Variants in LAMA2 observed in about 807,000 individuals in gnomAD.
LAMA2 encodes laminin subunit alpha 2, also known as laminin subunit alpha-2.
LAMA2 carries 269 observed loss-of-function variants against 364.8 expected under a neutral mutation model. The observed-to-expected ratio is 0.74, with a 90% CI of 0.67 to 0.82. LAMA2 has a LOEUF of 0.82. Among genes scored for constraint, LAMA2 ranks in the 40% least tolerant of loss-of-function variants. The pLI is 0.00. For synonymous variants in LAMA2, 1,379 were observed against 1,370.6 expected (o/e 1.01, Z -0.14); for missense variants, 3,807 against 3,873.2 (o/e 0.98, Z 0.45).
intron 32 of LAMA2, among the ~76,000 whole-genome samples, chr6:129,362,339 A>G (rs991688278): frequency 4.6e-5 from 7 of 151,952 alleles, no homozygotes; most frequent in African/African-American, 1.7e-4. Flanking sequence ...CCTGTTCCTC[A>G]CACATCTGTG....
chr6:129,094,212 A>G (rs1236684017), intron 3 of LAMA2, among the ~76,000 whole-genome samples: 1 of 152,238 alleles, frequency 6.6e-6, no homozygotes, highest in Non-Finnish European at 1.5e-5. Flanking sequence ...TATTCACTAC[A>G]TTTTAAAAGT....
At chr6:129,192,143 T>G (rs887460978) in intron 11 of LAMA2, among the ~76,000 whole-genome samples, 1 of 152,210 alleles carries the variant, frequency 6.6e-6, no homozygotes, top group African/African-American at 2.4e-5. Context: ...AAGTAGAAAT[T>G]TTAAAAAGTG....
intron 27 of LAMA2, among the ~76,000 whole-genome samples, chr6:129,318,053 T>C (rs1211946761): frequency 6.6e-6 from 1 of 152,174 alleles, no homozygotes; most frequent in African/African-American, 2.4e-5. Flanking sequence ...AGTCTCACAA[T>C]GCTAAGAACA....
intron 12 of LAMA2, among the ~76,000 whole-genome samples, chr6:129,225,460 T>G (rs1357727369): frequency 1.3e-5 from 2 of 152,238 alleles, no homozygotes; most frequent in Non-Finnish European, 1.5e-5. Context: ...TGCTTTCTCT[T>G]GTGGGCATTT....
intron 56 of LAMA2, chr6:129,491,035 C>T (rs1172651053): frequency 6.6e-6 from 1 of 152,138 alleles, no homozygotes; most frequent in Non-Finnish European, 1.5e-5. Flanking sequence ...TACTTTAGGA[C>T]TGAGGTTTCC....
chr6:129,125,812 AT>A (rs1301492817), intron 4 of LAMA2, among the ~76,000 whole-genome samples: 1 of 152,216 alleles, frequency 6.6e-6, no homozygotes, highest in African/African-American at 2.4e-5. Flanking sequence ...ATCATAAAAA[AT>A]ATTAGTATTT....
intron 34 of LAMA2, among the ~76,000 whole-genome samples, chr6:129,370,225 GT>G (rs372379309): frequency 6.6e-6 from 1 of 152,230 alleles, no homozygotes; most frequent in African/African-American, 2.4e-5. Context: ...CAGAATGACA[GT>G]GTATTTTGAG....
intron 3 of LAMA2, among the ~76,000 whole-genome samples, chr6:129,087,474 A>G (rs146948451): frequency 1.0e-3 from 153 of 152,296 alleles, no homozygotes; most frequent in Middle Eastern, 3.4e-3. Context: ...CACTCCTTCT[A>G]TCTTCATTCT....
intron 30 of LAMA2, among the ~76,000 whole-genome samples, chr6:129,348,019 T>C (rs530458204): frequency 6.6e-6 from 1 of 152,304 alleles, no homozygotes; most frequent in East Asian, 1.9e-4. Flanking sequence ...AGCCCATATA[T>C]GTATAAGAGT....
intron 18 of LAMA2, among the ~76,000 whole-genome samples, chr6:129,285,602 A>G (rs1490194152): frequency 6.6e-6 from 1 of 152,158 alleles, no homozygotes; most frequent in Non-Finnish European, 1.5e-5. Flanking sequence ...GATAATGATC[A>G]TTGTATATCC....
chr6:129,228,956 G>T (rs1350687917), intron 12 of LAMA2, among the ~76,000 whole-genome samples: 1 of 152,158 alleles, frequency 6.6e-6, no homozygotes, highest in East Asian at 1.9e-4. Context: ...TGTATTCATT[G>T]TGTGTATGTA....
chr6:129,511,214 T>C (rs1786542943), intron 62 of LAMA2, among the ~76,000 whole-genome samples: 1 of 152,178 alleles, frequency 6.6e-6, no homozygotes, highest in African/African-American at 2.4e-5. Flanking sequence ...ATCTTAACCT[T>C]TGACATCTTT....
Position 129,182,079 on chromosome 6 carries a change from CTA to C in LAMA2, c.1467+4217_1467+4218del, listed in dbSNP as rs566173275. 3.2e-3 allele frequency among the ~76,000 whole-genome samples: 485 copies of C among 151,776 alleles called. 4 individuals carry two copies. The highest frequency in any genetic ancestry group is 0.011 in the African/African-American group (463 of 41,464). Reference sequence around the variant, plus strand: ...CAATCTATAAAAAGCAGTAGTATTTCTATATGTCAGTGACAAGCAAATAAAAA... The same window carrying C: ...CAATCTATAAAAAGCAGTAGTATTTCTATGTCAGTGACAAGCAAATAAAAA... On this transcript the variant is annotated intron_variant, in intron 10 of 64. Transcript: ENST00000421865.
intron 12 of LAMA2, among the ~76,000 whole-genome samples, chr6:129,220,262 A>G (rs184312474): frequency 1.6e-3 from 246 of 152,340 alleles, no homozygotes; most frequent in African/African-American, 5.2e-3. Flanking sequence ...TTCAAAAAAC[A>G]TATAGTGAAA....
intron 21 of LAMA2, 80 bp from the exon 22 acceptor site, chr6:129,300,656 A>G: frequency 7.0e-7 from 1 of 1,433,872 alleles, no homozygotes; most frequent in Non-Finnish European, 9.8e-7. Context: ...AGACAAACCA[A>G]CACAATATAA....
intron 1 of LAMA2, among the ~76,000 whole-genome samples, chr6:128,932,163 CA>C (rs1485693714): frequency 2.0e-5 from 3 of 152,166 alleles, no homozygotes; most frequent in Non-Finnish European, 2.9e-5. Context: ...CATTCTTCAT[CA>C]CACATTGCAA....
In LAMA2 at chr6:129,516,199, A is replaced by C; in HGVS notation, c.9221A>C (p.Lys3074Thr). 2 of 1,614,144 alleles carry C rather than the reference A, an allele frequency of 1.2e-6. No individual in the cohort carries two copies. The highest frequency in any genetic ancestry group is 8.5e-7 in the Non-Finnish European group (1 of 1,180,014). ...GCATTGCCTTTTTCAGATGACCTCA[A>C]GCAGTTTGGCCTAACAACCAGTATT... ...VFVGGFPDDL[K>T]QFGLTTSIPF... Residue 3074 changes from lysine to threonine, a missense_variant, in exon 65 of 65, where the codon AAG becomes ACG. Coordinates refer to ENST00000421865, the MANE Select transcript of LAMA2 (RefSeq NM_000426.4).
In LAMA2 at chr6:129,478,463, C is replaced by T. The variant is rs2784894; in HGVS notation, c.7452-230C>T. The stretch of plus-strand genomic sequence containing the variant: ...TTAAATGCTGTGGGTGAGATTATTG[C>T]TAAAGGGGAGAAGGACTACAAAAAG... On this transcript the variant is annotated intron_variant, in intron 53 of 64. Transcript: ENST00000421865. 0.66 allele frequency among the ~76,000 whole-genome samples: 100,194 copies of T among 151,856 alleles called. 33,524 individuals carry two copies. Among genetic ancestry groups the T allele is most frequent in the Non-Finnish European group, 0.72 (48,782 of 67,964 alleles).
At chr6:128,957,761 G>A (rs1045642306) in intron 1 of LAMA2, among the ~76,000 whole-genome samples, 8 of 150,650 alleles carry the variant, frequency 5.3e-5, no homozygotes, top group African/African-American at 1.5e-4. Context: ...TAGTGACCAG[G>A]TCCTTGAGAG....
Sources: gnomAD v4.1 joint callset for allele counts (sites outside exome capture counted in the v4.1 genomes callset) on GRCh38, gnomAD v4.1.1 for gene constraint, MANE v1.5 for transcripts, NCBI Gene and HGNC (gene_info 2026-07-23, HGNC 2026-07-21) for gene names.